PDE7B: variants seen among roughly 807,000 people sequenced by gnomAD.
PDE7B encodes 3',5'-cyclic-AMP phosphodiesterase 7B.
Under a neutral mutation model 56.2 loss-of-function variants are expected in PDE7B, and 29 were observed. That is an observed-to-expected ratio of 0.52 (90% CI 0.38 to 0.70). The LOEUF (loss-of-function observed/expected upper bound fraction) is 0.70, where lower values mean the gene tolerates loss of function less well. PDE7B is among the 30% of genes least tolerant of loss of function. The probability of loss-of-function intolerance (pLI) is 0.00; values close to 1 mark genes in which losing one functional copy is unlikely to be tolerated. For missense variants in PDE7B, 490 were observed against 565.0 expected, an observed-to-expected ratio of 0.87 and a Z score of 1.35; for synonymous variants, 197 against 196.9, an observed-to-expected ratio of 1.00 and a Z score of 0.00.
At chr6:135,942,091 TA>T (rs748559572) in intron 1 of PDE7B, among the ~76,000 whole-genome samples, 12 of 152,124 alleles carry the variant, frequency 7.9e-5, no homozygotes, top group African/African-American at 2.4e-4. Context: ...GTGGGACTAT[TA>T]TCAGTATTTT....
intron 3 of PDE7B, among the ~76,000 whole-genome samples, chr6:136,142,163 C>A (rs1583904965): frequency 6.6e-6 from 1 of 152,252 alleles, no homozygotes; most frequent in Middle Eastern, 3.4e-3. Flanking sequence ...TGTCTTTGTT[C>A]TCACTGGTTT....
intron 1 of PDE7B, among the ~76,000 whole-genome samples, chr6:135,946,907 C>T (rs1368003576): frequency 1.3e-5 from 2 of 151,978 alleles, no homozygotes; most frequent in Non-Finnish European, 2.9e-5. Context: ...CAAGTTAAAA[C>T]TAAGATATAG....
intron 12 of PDE7B, among the ~76,000 whole-genome samples, chr6:136,191,075 T>G (rs1779216988): frequency 6.8e-6 from 1 of 147,760 alleles, no homozygotes; most frequent in South Asian, 2.1e-4. Flanking sequence ...TAATAGCCAG[T>G]ATTCACTGGG....
chr6:136,192,092 G>A lies in PDE7B; in HGVS notation c.*252G>A, dbSNP rs535280581. 68 of 511,106 alleles carry A rather than the reference G, an allele frequency of 1.3e-4. No individual in the cohort carries two copies. The South Asian group carries it at 1.4e-3, about 10-fold the overall frequency. The allele number at this position is 511,106 out of a possible 1,614,324, so 31.7% of individuals were successfully genotyped here. ...AACGTGGGAGCTGATCCCACGGGCAGGCTCTCCCTGCTCCAGGAGAAGACT... is the reference window on the plus strand; with the variant it reads ...AACGTGGGAGCTGATCCCACGGGCAAGCTCTCCCTGCTCCAGGAGAAGACT... On this transcript the variant is annotated 3_prime_UTR_variant, in exon 13 of 13. Coordinates refer to ENST00000308191, the MANE Select transcript of PDE7B (RefSeq NM_018945.4).
In PDE7B at chr6:136,027,118, C is replaced by T. The variant is rs557742552; in HGVS notation, c.82+79594C>T. Among the ~76,000 whole-genome samples, 10 of 152,338 alleles carry T rather than the reference C, an allele frequency of 6.6e-5. No homozygotes were observed. In the East Asian group the frequency reaches 1.7e-3, roughly 26 times the overall value. On this transcript the variant is annotated intron_variant, in intron 2 of 12. Transcript: ENST00000308191. ...CTAGGAAGAGGGCCCTCACCAGAAT[C>T]TGACCATGCTGGTGCCCCAACCTCA...
chr6:135,997,463 C>A (rs528822054), intron 2 of PDE7B, among the ~76,000 whole-genome samples: 12 of 62,186 alleles, frequency 1.9e-4, no homozygotes, highest in Middle Eastern at 0.013. Context: ...CCATAGAAAG[C>A]AGTTTCTATA....
intron 11 of PDE7B, among the ~76,000 whole-genome samples, chr6:136,182,243 C>A (rs1779078084): frequency 6.6e-6 from 1 of 152,174 alleles, no homozygotes; most frequent in Non-Finnish European, 1.5e-5. Context: ...AGTCTCTACT[C>A]ACTGTATCTT....
intron 2 of PDE7B, among the ~76,000 whole-genome samples, chr6:135,980,102 A>C (rs200261797): frequency 4.0e-5 from 6 of 150,338 alleles, no homozygotes; most frequent in African/African-American, 4.9e-5. Context: ...GATATAGATC[A>C]ATGGAACAGA....
At chr6:136,151,082 G>C (rs999532310) in intron 5 of PDE7B, 78 bp from the exon 6 acceptor site, 7 of 751,948 alleles carry the variant, frequency 9.3e-6, no homozygotes, top group South Asian at 1.6e-5. Flanking sequence ...TTATTACAGA[G>C]ACTTTAGGTC....
chr6:136,113,243 A>G (rs1207649261), intron 3 of PDE7B, among the ~76,000 whole-genome samples: 2 of 152,256 alleles, frequency 1.3e-5, no homozygotes, highest in Admixed American at 1.3e-4. Context: ...GTATATATAC[A>G]TATAGATCTT....
intron 2 of PDE7B, among the ~76,000 whole-genome samples, chr6:136,023,703 C>T (rs1776107504): frequency 6.6e-6 from 1 of 152,126 alleles, no homozygotes; most frequent in African/African-American, 2.4e-5. Flanking sequence ...TTACAGGAAA[C>T]TTCATTATAG....
intron 8 of PDE7B, among the ~76,000 whole-genome samples, chr6:136,168,067 G>A (rs1190971953): frequency 6.6e-6 from 1 of 152,160 alleles, no homozygotes; most frequent in African/African-American, 2.4e-5. Flanking sequence ...GGTTTGATAA[G>A]TGAACATAGA....
At chr6:135,922,705 C>G (rs1410659493) in intron 1 of PDE7B, among the ~76,000 whole-genome samples, 1 of 152,138 alleles carries the variant, frequency 6.6e-6, no homozygotes. Context: ...CAAAATCAAT[C>G]ACACATGGAG....
At chr6:136,048,676 T>C (rs1293927595) in intron 2 of PDE7B, among the ~76,000 whole-genome samples, 1 of 152,208 alleles carries the variant, frequency 6.6e-6, no homozygotes, top group African/African-American at 2.4e-5. Context: ...TGGGAAGTGA[T>C]ATGATAAATT....
At chr6:136,174,133 T>C (rs2128450325) in intron 9 of PDE7B, among the ~76,000 whole-genome samples, 1 of 152,258 alleles carries the variant, frequency 6.6e-6, no homozygotes, top group Non-Finnish European at 1.5e-5. Flanking sequence ...AAAGGGATAA[T>C]AAACAGCTCT....
chr6:136,139,125 C>T (rs560735991), intron 3 of PDE7B, among the ~76,000 whole-genome samples: 1 of 152,126 alleles, frequency 6.6e-6, no homozygotes, highest in Non-Finnish European at 1.5e-5. Flanking sequence ...CCCCTTCCCC[C>T]GACGCCACAA....
intron 8 of PDE7B, among the ~76,000 whole-genome samples, chr6:136,172,862 GACAA>G (rs1358515531): frequency 2.6e-5 from 4 of 152,158 alleles, no homozygotes; most frequent in Non-Finnish European, 4.4e-5. Context: ...ACCAATAACA[GACAA>G]ACAGAGAGCC....
At chr6:136,001,076 A>G (rs184979353) in intron 2 of PDE7B, among the ~76,000 whole-genome samples, 1 of 152,370 alleles carries the variant, frequency 6.6e-6, no homozygotes, top group Admixed American at 6.5e-5. Context: ...CGCTGCTGAT[A>G]TCCAGGCAAA....
At chr6:136,101,749 A>G (rs770399489) in intron 2 of PDE7B, among the ~76,000 whole-genome samples, 1 of 151,952 alleles carries the variant, frequency 6.6e-6, no homozygotes, top group Admixed American at 6.6e-5. Flanking sequence ...ATACCTACAC[A>G]CTCCAGTGGA....
Sources: gnomAD v4.1 joint callset for allele counts (sites outside exome capture counted in the v4.1 genomes callset) on GRCh38, gnomAD v4.1.1 for gene constraint, MANE v1.5 for transcripts, NCBI Gene and HGNC (gene_info 2026-07-23, HGNC 2026-07-21) for gene names.